Variants in BABAM2 observed in about 807,000 individuals in gnomAD.
The protein encoded by BABAM2 is BRISC and BRCA1-A complex member 2.
Under a neutral mutation model 54.7 loss-of-function variants are expected in BABAM2, and 31 were observed. That is an observed-to-expected ratio of 0.57 (90% confidence interval 0.43 to 0.77). BABAM2 has a LOEUF of 0.77. Among genes scored for constraint, BABAM2 ranks in the 30% least tolerant of loss-of-function variants. The pLI, the probability that BABAM2 is intolerant of heterozygous loss-of-function variation, is 0.00. For missense variants in BABAM2, 364 were observed against 455.8 expected (o/e 0.80, Z 1.83); for synonymous variants, 167 against 162.9 (o/e 1.03, Z -0.19).
chr2:27,940,715 G>A (rs551772263), intron 3 of BABAM2, among the ~76,000 whole-genome samples: 94 of 152,162 alleles, frequency 6.2e-4, no homozygotes, highest in Non-Finnish European at 1.1e-3. Flanking sequence ...AAACCCACTG[G>A]AACTAACATA....
At position 27,992,806 on chromosome 2, in the gene BABAM2, A is replaced by C. The variant is rs138848255; in HGVS notation, c.300+4719A>C. On this transcript the variant is annotated intron_variant, in intron 4 of 11. Transcript: ENST00000379624. ...TTCCAGCCACAGAGGCATCCTTGCC[A>C]TTCCTCAGACATTCTAAACACACTC... Among the ~76,000 whole-genome samples, 964 of 152,182 alleles carry C rather than the reference A, an allele frequency of 6.3e-3. 7 individuals carry two copies. Among genetic ancestry groups the C allele is most frequent in the Non-Finnish European group, 7.9e-3 (536 of 67,996 alleles).
chr2:28,128,811 C>T (rs993989841), intron 6 of BABAM2, among the ~76,000 whole-genome samples: 3 of 152,114 alleles, frequency 2.0e-5, no homozygotes, highest in African/African-American at 7.2e-5. Flanking sequence ...TGGTGACACT[C>T]TTCATGGTGA....
chr2:28,206,261 G>A lies in BABAM2; in HGVS notation c.681-30941G>A, dbSNP rs34922334. Among the ~76,000 whole-genome samples the A allele has an allele frequency of 0.017, 2,549 of 152,110 alleles. 235 individuals are homozygous for A. The East Asian group carries it at 0.29, about 17-fold the overall frequency. ...TGCAAAGCTGCCAAGTTGCCACAGAGGAAATAAAGCTCAAAGATAAATAGG... is the reference window on the plus strand; with the variant it reads ...TGCAAAGCTGCCAAGTTGCCACAGAAGAAATAAAGCTCAAAGATAAATAGG... On this transcript the variant is annotated intron_variant, in intron 7 of 11. Coordinates refer to ENST00000379624, the MANE Select transcript of BABAM2 (RefSeq NM_199191.3).
intron 6 of BABAM2, among the ~76,000 whole-genome samples, chr2:28,094,480 A>G (rs183246890): frequency 6.6e-6 from 1 of 152,286 alleles, no homozygotes; most frequent in African/African-American, 2.4e-5. Flanking sequence ...GCATTTTTCA[A>G]ATAGACAAAG....
chr2:28,078,780 T>C (rs1664914442), intron 6 of BABAM2, among the ~76,000 whole-genome samples: 1 of 152,166 alleles, frequency 6.6e-6, no homozygotes, highest in Admixed American at 6.5e-5. Context: ...GTAGCTAGGA[T>C]ATGCAAGTCT....
At position 28,338,702 on chromosome 2, in the gene BABAM2, C is replaced by G; in HGVS notation, c.*189C>G. The stretch of plus-strand genomic sequence containing the variant: ...TGAGCTGGCTGGTGGTCCCTGGATC[C>G]TAGAGCCCTTCACTTCGGGTTACTC... On this transcript the variant is annotated 3_prime_UTR_variant, in exon 12 of 12. Coordinates refer to ENST00000379624, the MANE Select transcript of BABAM2 (RefSeq NM_199191.3). The G allele has an allele frequency of 1.7e-6, 1 of 598,110 alleles. No homozygotes were observed. Among genetic ancestry groups the G allele is most frequent in the South Asian group, 2.0e-5 (1 of 49,464 alleles). 37.1% of individuals were successfully genotyped at this position (598,110 alleles called of 1,614,324 possible).
chr2:28,195,857 T>C (rs1452083645), intron 7 of BABAM2, among the ~76,000 whole-genome samples: 2 of 152,192 alleles, frequency 1.3e-5, no homozygotes, highest in Non-Finnish European at 2.9e-5. Flanking sequence ...CTAATGCACA[T>C]ATAAAATATT....
At chr2:27,952,606 G>T (rs551986717) in intron 3 of BABAM2, among the ~76,000 whole-genome samples, 3 of 152,088 alleles carry the variant, frequency 2.0e-5, no homozygotes, top group African/African-American at 7.2e-5. Flanking sequence ...GGCTCTTAAG[G>T]GCATTGAACT....
At chr2:28,259,178 C>T (rs569650629) in intron 10 of BABAM2, among the ~76,000 whole-genome samples, 6 of 143,404 alleles carry the variant, frequency 4.2e-5, no homozygotes, top group African/African-American at 1.6e-4. Context: ...ATCTCCACCT[C>T]CCAGGTTCAA....
intron 6 of BABAM2, among the ~76,000 whole-genome samples, chr2:28,058,296 A>G (rs778522787): frequency 6.6e-6 from 1 of 152,128 alleles, no homozygotes; most frequent in African/African-American, 2.4e-5. Flanking sequence ...TTTTAAAGAC[A>G]TAGTGTTACA....
intron 3 of BABAM2, among the ~76,000 whole-genome samples, chr2:27,973,640 A>T (rs1671382679): frequency 6.6e-6 from 1 of 152,214 alleles, no homozygotes; most frequent in Non-Finnish European, 1.5e-5. Flanking sequence ...ACTGGGAGGC[A>T]GAGTACGGGG....
chr2:28,152,578 G>A (rs946688369), intron 7 of BABAM2, among the ~76,000 whole-genome samples: 4 of 152,184 alleles, frequency 2.6e-5, no homozygotes, highest in African/African-American at 7.2e-5. Context: ...AGACAGGAAT[G>A]GGCACAGGGG....
At chr2:28,184,170 A>G (rs935356985) in intron 7 of BABAM2, among the ~76,000 whole-genome samples, 1 of 151,956 alleles carries the variant, frequency 6.6e-6, no homozygotes, top group African/African-American at 2.4e-5. Context: ...TGTGGCATCA[A>G]GAACTAGGAC....
At chr2:27,959,732 C>T (rs1670336576) in intron 3 of BABAM2, among the ~76,000 whole-genome samples, 1 of 152,014 alleles carries the variant, frequency 6.6e-6, no homozygotes, top group Non-Finnish European at 1.5e-5. Context: ...GCACAACTGT[C>T]TTTGTCCTTT....
intron 7 of BABAM2, among the ~76,000 whole-genome samples, chr2:28,174,384 T>C (rs1038715850): frequency 6.6e-6 from 1 of 152,206 alleles, no homozygotes; most frequent in South Asian, 2.1e-4. Context: ...TCAAGAGGGC[T>C]GACTAGACGC....
At chr2:27,929,531 A>G (rs754383377) in intron 2 of BABAM2, among the ~76,000 whole-genome samples, 6 of 152,234 alleles carry the variant, frequency 3.9e-5, no homozygotes, top group Non-Finnish European at 5.9e-5. Flanking sequence ...GTTTTGGATA[A>G]TATACCTAAT....
chr2:28,041,055 A>G (rs963984716), intron 5 of BABAM2, among the ~76,000 whole-genome samples: 4 of 152,238 alleles, frequency 2.6e-5, no homozygotes, highest in Admixed American at 2.6e-4. Context: ...CAGTGCATGG[A>G]CTAAAATAAC....
intron 10 of BABAM2, among the ~76,000 whole-genome samples, chr2:28,253,900 C>T (rs1286458471): frequency 6.6e-6 from 1 of 152,174 alleles, no homozygotes; most frequent in Non-Finnish European, 1.5e-5. Context: ...ATCCCCTGTC[C>T]TGTGGCACAA....
intron 4 of BABAM2, among the ~76,000 whole-genome samples, chr2:28,021,811 G>A (rs1321078724): frequency 6.6e-6 from 1 of 151,460 alleles, no homozygotes; most frequent in Non-Finnish European, 1.5e-5. Context: ...CCCTTTTTAA[G>A]CAGAGATGGT....
Sources: gnomAD v4.1 joint callset for allele counts (sites outside exome capture counted in the v4.1 genomes callset) on GRCh38, gnomAD v4.1.1 for gene constraint, MANE v1.5 for transcripts, NCBI Gene and HGNC (gene_info 2026-07-23, HGNC 2026-07-21) for gene names.